NOX4: variants seen among roughly 807,000 people sequenced by gnomAD.
NOX4 encodes NADPH oxidase 4.
In NOX4, 69 loss-of-function variants were observed where a neutral mutation model predicts 87.6. The observed-to-expected ratio is 0.79, with a 90% CI of 0.65 to 0.96. NOX4 has a LOEUF of 0.96. NOX4 is among the 40% of genes least tolerant of loss of function. The pLI, the probability that NOX4 is intolerant of heterozygous loss-of-function variation, is 0.00. For synonymous variants in NOX4, 275 were observed against 238.2 expected, an observed-to-expected ratio of 1.15 and a Z score of -1.42; for missense variants, 680 against 681.5, an observed-to-expected ratio of 1.00 and a Z score of 0.02.
intron 11 of NOX4, among the ~76,000 whole-genome samples, chr11:89,386,136 G>A (rs1432274736): frequency 2.0e-5 from 3 of 152,082 alleles, no homozygotes; most frequent in Non-Finnish European, 4.4e-5. Flanking sequence ...TCAGAATTCT[G>A]GCCTGTCCTC....
At chr11:89,502,491 T>C (rs1947033185), upstream of NOX4, among the ~76,000 whole-genome samples, 1 of 152,018 alleles carries the variant, frequency 6.6e-6, no homozygotes, top group Non-Finnish European at 1.5e-5. Flanking sequence ...TAGGAGATAG[T>C]TGAGCAACTC....
the NOX4 span, among the ~76,000 whole-genome samples, chr11:89,551,514 T>G: frequency 6.6e-6 from 1 of 152,190 alleles, no homozygotes; most frequent in Non-Finnish European, 1.5e-5. Flanking sequence ...AAGAGGTCCT[T>G]CACATCCCTT....
chr11:89,493,721 T>TTTTTATTA (rs372046431), upstream of NOX4, among the ~76,000 whole-genome samples: 1 of 142,302 alleles, frequency 7.0e-6, no homozygotes, highest in East Asian at 2.0e-4. Context: ...GCCAGATTGT[T>TTTTTATTA]TTATTATTAT....
At chr11:89,432,928 A>G (rs1010557287) in intron 6 of NOX4, 72 bp from the exon 7 acceptor site, 18 of 998,836 alleles carry the variant, frequency 1.8e-5, no homozygotes, top group Non-Finnish European at 2.7e-5. Flanking sequence ...TGATTATATT[A>G]GAATCCGAAA....
intron 17 of NOX4, among the ~76,000 whole-genome samples, chr11:89,334,794 T>C (rs557827748): frequency 1.2e-3 from 183 of 151,856 alleles, no homozygotes; most frequent in South Asian, 0.01. Flanking sequence ...ATATTTAATT[T>C]ATGTTCATTC....
the NOX4 span, among the ~76,000 whole-genome samples, chr11:89,550,517 G>T: frequency 6.6e-6 from 1 of 152,144 alleles, no homozygotes; most frequent in South Asian, 2.1e-4. Flanking sequence ...ATCTCATTGT[G>T]GTTTTGATGT....
intron 2 of NOX4, among the ~76,000 whole-genome samples, chr11:89,462,657 C>G (rs114130146): frequency 6.6e-6 from 1 of 151,998 alleles, no homozygotes; most frequent in Non-Finnish European, 1.5e-5. Flanking sequence ...AACAAAATCA[C>G]GTAACATCCT....
intron 12 of NOX4, among the ~76,000 whole-genome samples, chr11:89,368,297 T>C (rs1939170250): frequency 1.3e-5 from 2 of 152,274 alleles, no homozygotes; most frequent in African/African-American, 2.4e-5. Context: ...CCAGGTCTAA[T>C]GATAGATAAA....
chr11:89,468,987 C>G (rs1221255522), intron 2 of NOX4, among the ~76,000 whole-genome samples: 1 of 152,152 alleles, frequency 6.6e-6, no homozygotes, highest in Non-Finnish European at 1.5e-5. Context: ...GCCTCAGCCT[C>G]CCAAAGTGCT....
chr11:89,533,188 G>A, the NOX4 span, among the ~76,000 whole-genome samples: 1 of 152,214 alleles, frequency 6.6e-6, no homozygotes, highest in East Asian at 1.9e-4. Context: ...ACTTATATGA[G>A]GTATATTTTA....
intron 17 of NOX4, among the ~76,000 whole-genome samples, chr11:89,334,856 T>A (rs1435348896): frequency 6.6e-6 from 1 of 151,550 alleles, no homozygotes; most frequent in Non-Finnish European, 1.5e-5. Context: ...TATGATTAGT[T>A]CAAATGTAAA....
rs1946841728 is a variant in NOX4, at chr11:89,491,254, G to T, written c.-8C>A. 4 of 1,610,816 alleles carry T rather than the reference G, an allele frequency of 2.5e-6. No individual in the cohort carries two copies. Among genetic ancestry groups the T allele is most frequent in the Middle Eastern group, 1.7e-4 (1 of 5,984 alleles). On this transcript the variant is annotated 5_prime_UTR_variant, in exon 1 of 18. Coordinates refer to ENST00000263317, the MANE Select transcript of NOX4 (RefSeq NM_016931.5). ...CCTCCAGGACACAGCCATGCCGCCG[G>T]CCCCGCCGCGCTGCGCTCTGTGCCC... is the stretch of plus-strand genomic sequence containing the variant.
chr11:89,361,469 G>GT (rs1938517107), intron 12 of NOX4, among the ~76,000 whole-genome samples: 1 of 152,032 alleles, frequency 6.6e-6, no homozygotes, highest in African/African-American at 2.4e-5. Flanking sequence ...AATGTTAGAA[G>GT]TCGGGTGAGG....
intron 7 of NOX4, among the ~76,000 whole-genome samples, chr11:89,423,574 T>C (rs973451864): frequency 3.9e-5 from 6 of 152,186 alleles, no homozygotes; most frequent in African/African-American, 1.4e-4. Flanking sequence ...CATTCTCTTT[T>C]AAGTTACTGA....
chr11:89,392,572 T>C (rs1941205171), intron 11 of NOX4, among the ~76,000 whole-genome samples: 1 of 152,184 alleles, frequency 6.6e-6, no homozygotes, highest in African/African-American at 2.4e-5. Flanking sequence ...CTTTCATTTA[T>C]ATGACAAAAA....
chr11:89,518,658 T>C, the NOX4 span, among the ~76,000 whole-genome samples: 1 of 151,874 alleles, frequency 6.6e-6, no homozygotes, highest in African/African-American at 2.4e-5. Flanking sequence ...ATGTGAAAAA[T>C]CACTGCTCTA....
At chr11:89,370,971 G>C (rs192903786) in intron 12 of NOX4, among the ~76,000 whole-genome samples, 137 of 152,088 alleles carry the variant, frequency 9.0e-4, no homozygotes, top group South Asian at 1.7e-3. Context: ...CAAATAAAAA[G>C]TCATATTAAA....
intron 16 of NOX4, chr11:89,336,230 G>A (rs1945710327): frequency 3.8e-6 from 1 of 260,788 alleles, no homozygotes; most frequent in South Asian, 8.5e-5. Flanking sequence ...TGAATCAATT[G>A]TTAGAACTAA....
At chr11:89,465,748 T>TC (rs1945662192) in intron 2 of NOX4, among the ~76,000 whole-genome samples, 1 of 152,306 alleles carries the variant, frequency 6.6e-6, no homozygotes, top group East Asian at 1.9e-4. Flanking sequence ...GAGCATTTTT[T>TC]CATGTGTCTG....
Sources: gnomAD v4.1 joint callset for allele counts (sites outside exome capture counted in the v4.1 genomes callset) on GRCh38, gnomAD v4.1.1 for gene constraint, MANE v1.5 for transcripts, NCBI Gene and HGNC (gene_info 2026-07-23, HGNC 2026-07-21) for gene names.